ZFP90: variants seen among roughly 807,000 people sequenced by gnomAD.
ZFP90 encodes ZFP90 zinc finger protein, also known as zinc finger protein 90 homolog.
In ZFP90, 38 loss-of-function variants were observed where a neutral mutation model predicts 60.8. The observed-to-expected ratio is 0.62, with a 90% CI of 0.48 to 0.82. The LOEUF (loss-of-function observed/expected upper bound fraction) is 0.82. ZFP90 is among the 40% of genes least tolerant of loss of function. The pLI is 0.00. For missense variants in ZFP90, 711 were observed against 759.1 expected (o/e 0.94, Z 0.74); for synonymous variants, 287 against 264.8 (o/e 1.08, Z -0.82).
At chr16:68,548,328 A>G (rs1008624554) in intron 2 of ZFP90, among the ~76,000 whole-genome samples, 8 of 152,242 alleles carry the variant, frequency 5.3e-5, no homozygotes, top group African/African-American at 1.7e-4. Context: ...TGTTTTGGCA[A>G]CAATTTTCTC....
Position 68,566,431 on chromosome 16 carries a change from C to G in ZFP90, c.*1733C>G. ...TTCCTACTGGATTCTTTGCATGCCA[C>G]ATAGCAGGATTCATTGCCTTTCTCT... On this transcript the variant is annotated 3_prime_UTR_variant, in exon 5 of 5. Coordinates refer to ENST00000563169, the MANE Select transcript of ZFP90 (RefSeq NM_001305203.2). 1.0e-6 allele frequency: 1 copy of G among 985,552 alleles called. No homozygotes were observed. The highest frequency in any genetic ancestry group is 1.2e-6 in the Non-Finnish European group (1 of 829,924). The allele number at this position is 985,552 out of a possible 1,614,324, so 61.1% of individuals were successfully genotyped here. A position where few individuals can be genotyped will look rare whatever the true frequency, so the allele number is the denominator to read the frequency against.
In ZFP90 at chr16:68,565,681, A is replaced by G. The variant is rs2091514907; in HGVS notation, c.*983A>G. On this transcript the variant is annotated 3_prime_UTR_variant, in exon 5 of 5. Transcript: ENST00000563169. ...GCCTACAGTATCAGATCAATGGGAA[A>G]ACAACAGAAAACTAAGAGGAGAATT... 1 of 985,224 alleles carries G rather than the reference A, an allele frequency of 1.0e-6. No individual in the cohort carries two copies. The highest frequency in any genetic ancestry group is 1.7e-5 in the African/African-American group (1 of 57,144). The allele number at this position is 985,224 out of a possible 1,614,324, so 61.0% of individuals were successfully genotyped here. A position where few individuals can be genotyped will look rare whatever the true frequency, so the allele number is the denominator to read the frequency against.
At position 68,565,561 on chromosome 16, in the gene ZFP90, A is replaced by G. The variant is rs1387986396; in HGVS notation, c.*863A>G. Reference sequence around the variant, plus strand: ...CTTTTTTCCCCTTTTCCCAGTTACAATTATACTTTCAGCTAACATATGCCA... The same window carrying G: ...CTTTTTTCCCCTTTTCCCAGTTACAGTTATACTTTCAGCTAACATATGCCA... On this transcript the variant is annotated 3_prime_UTR_variant, in exon 5 of 5. Coordinates refer to ENST00000563169, the MANE Select transcript of ZFP90 (RefSeq NM_001305203.2). The G allele has an allele frequency of 7.1e-6, 7 of 985,440 alleles. No individual in the cohort carries two copies. The highest frequency in any genetic ancestry group is 6.1e-5 in the Admixed American group (1 of 16,262). The allele number at this position is 985,440 out of a possible 1,614,324, so 61.0% of individuals were successfully genotyped here.
In ZFP90 at chr16:68,540,584, A is replaced by G. The variant is rs80317837; in HGVS notation, c.33+759A>G. On this transcript the variant is annotated intron_variant, in intron 2 of 4. Transcript: ENST00000563169. ...GAAAATACATCAAGATCCAGATGGTATCTGTATCTTTGAATCTACATTCTC... is the reference window on the plus strand; with the variant it reads ...GAAAATACATCAAGATCCAGATGGTGTCTGTATCTTTGAATCTACATTCTC... Among the ~76,000 whole-genome samples the G allele has an allele frequency of 3.9e-3, 594 of 152,252 alleles. 8 individuals carry two copies. The highest frequency in any genetic ancestry group is 0.014 in the African/African-American group (572 of 41,530).
In ZFP90 at chr16:68,564,179, C is replaced by G; in HGVS notation, c.1392C>G (p.Asp464Glu). 3 of 1,614,142 alleles carry G rather than the reference C, an allele frequency of 1.9e-6. No individual in the cohort carries two copies. Among genetic ancestry groups the G allele is most frequent in the Non-Finnish European group, 2.5e-6 (3 of 1,180,036 alleles). The change falls in exon 5 of 5, where the codon GAC (aspartate) becomes GAG (glutamate). Residue 464 changes from aspartate to glutamate, a missense_variant. By Grantham distance (45) the Asp-to-Glu change is conservative (BLOSUM62 2). Transcript: ENST00000563169. Reference protein sequence around the residue: ...DCGEDFSHITDFTDHQRIHTA... With the variant: ...DCGEDFSHITEFTDHQRIHTA... ...GGGAAGACTTTAGTCACATTACAGACTTTACTGACCATCAGAGGATCCATA... is the reference window on the plus strand; with the variant it reads ...GGGAAGACTTTAGTCACATTACAGAGTTTACTGACCATCAGAGGATCCATA...
rs779723332 is a variant in ZFP90 at position 68,564,106 on chromosome 16, A to T, written c.1319A>T (p.Asp440Val). The T allele has an allele frequency of 4.3e-6, 7 of 1,614,036 alleles. No homozygotes were observed. The highest frequency in any genetic ancestry group is 5.9e-6 in the Non-Finnish European group (7 of 1,180,018). Residue 440 changes from aspartate to valine, a missense_variant, in exon 5 of 5, where the codon GAT becomes GTT. Around this residue, in one of 5 missense-constraint regions of ZFP90, gnomAD observed 295 missense variants for 274.0 expected, o/e 1.08. Coordinates refer to ENST00000563169, the MANE Select transcript of ZFP90 (RefSeq NM_001305203.2). ...AAGCACAGCACATCTCTCACTCAAG[A>T]TGAAAGCACTCTTACCGAAGTGAAA... ...DFKHSTSLTQ[D>V]ESTLTEVKSY...
At chr16:68,555,411 G>T (rs1371130903) in intron 2 of ZFP90, among the ~76,000 whole-genome samples, 14 of 152,046 alleles carry the variant, frequency 9.2e-5, no homozygotes, top group African/African-American at 3.1e-4. Context: ...CAGAAATATG[G>T]GGCAGAGGAG....
At chr16:68,553,758 A>T (rs959980232) in intron 2 of ZFP90, among the ~76,000 whole-genome samples, 1 of 152,178 alleles carries the variant, frequency 6.6e-6, no homozygotes. Flanking sequence ...AGCTAGGACC[A>T]TAGATGCAAG....
intron 2 of ZFP90, among the ~76,000 whole-genome samples, chr16:68,542,396 G>A (rs1210038241): frequency 1.3e-5 from 2 of 152,108 alleles, no homozygotes; most frequent in South Asian, 2.1e-4. Flanking sequence ...TTCGAGACCA[G>A]CCTGGCCAAC....
At chr16:68,558,633 G>A in intron 4 of ZFP90, 65 bp downstream of exon 4, 1 of 1,417,016 alleles carries the variant, frequency 7.1e-7, no homozygotes, top group Non-Finnish European at 9.9e-7. Flanking sequence ...GGGAGGGGGA[G>A]ATACCCTCCA....
chr16:68,559,210 T>G (rs2152071557), intron 4 of ZFP90, among the ~76,000 whole-genome samples: 1 of 152,330 alleles, frequency 6.6e-6, no homozygotes, highest in East Asian at 1.9e-4. Context: ...ACAGAGTACC[T>G]GCCTCCTGGT....
At chr16:68,555,067 A>G (rs922340803) in intron 2 of ZFP90, 1 of 152,178 alleles carries the variant, frequency 6.6e-6, no homozygotes, top group African/African-American at 2.4e-5. Context: ...TTCTTCTTCC[A>G]TGCAGGTGGC....
rs1033933791 is a variant in ZFP90 at position 68,565,536 on chromosome 16, CTT to C, written c.*843_*844del. 2 of 985,432 alleles carry C rather than the reference CTT, an allele frequency of 2.0e-6. No individual in the cohort carries two copies. Among genetic ancestry groups the C allele is most frequent in the African/African-American group, 3.5e-5 (2 of 57,226 alleles). The allele number at this position is 985,432 out of a possible 1,614,324, so 61.0% of individuals were successfully genotyped here. ...CTGTAGATGGTTGAACTACTAGTGA[CTT>C]TTTTCCCCTTTTCCCAGTTACAATT... On this transcript the variant is annotated 3_prime_UTR_variant, in exon 5 of 5. Transcript: ENST00000563169.
chr16:68,571,517 T>G (rs1184135446), downstream of ZFP90, among the ~76,000 whole-genome samples: 2 of 152,204 alleles, frequency 1.3e-5, no homozygotes, highest in African/African-American at 4.8e-5. Context: ...AACCACCTGC[T>G]TGGTTTCCCT....
intron 2 of ZFP90, among the ~76,000 whole-genome samples, chr16:68,548,581 C>T (rs1192302987): frequency 6.9e-6 from 1 of 144,384 alleles, no homozygotes; most frequent in African/African-American, 2.6e-5. Flanking sequence ...ACCTCCGCTT[C>T]CCAGGTTCAA....
chr16:68,538,324 A>G (rs1239752408), upstream of ZFP90, among the ~76,000 whole-genome samples: 1 of 152,238 alleles, frequency 6.6e-6, no homozygotes, highest in Non-Finnish European at 1.5e-5. Context: ...ATGTTAAGAA[A>G]TCAAGCTGAA....
chr16:68,543,434 A>G (rs112346436), intron 2 of ZFP90, among the ~76,000 whole-genome samples: 1,634 of 152,288 alleles, frequency 0.011, 13 homozygotes, highest in Middle Eastern at 0.075. Context: ...CTGAAGCGGG[A>G]TGGGACTAGG....
At chr16:68,557,726 G>A (rs2091368417) in intron 2 of ZFP90, among the ~76,000 whole-genome samples, 1 of 150,912 alleles carries the variant, frequency 6.6e-6, no homozygotes. Context: ...CTTGGTGATT[G>A]TATAAAAAGG....
intron 2 of ZFP90, among the ~76,000 whole-genome samples, chr16:68,544,863 C>A (rs1031686224): frequency 8.2e-6 from 1 of 121,502 alleles, no homozygotes; most frequent in Admixed American, 9.9e-5. Flanking sequence ...CCTGTGAACA[C>A]CTTTTTTTTT....
Sources: allele counts gnomAD v4.1 joint callset (sites outside exome capture counted in the v4.1 genomes callset), GRCh38; gene constraint gnomAD v4.1.1; regional missense constraint gnomAD v4.1.1; transcripts MANE v1.5; gene names NCBI Gene and HGNC (gene_info 2026-07-23, HGNC 2026-07-21).